Variants in SYNE1 observed in about 807,000 individuals in gnomAD.
The protein encoded by SYNE1 is nesprin-1.
Under a neutral mutation model 1,111.0 loss-of-function variants are expected in SYNE1, and 616 were observed. The ratio of observed to expected loss-of-function variants is 0.55; its 90% CI spans 0.52 to 0.59. SYNE1 has a LOEUF of 0.59. SYNE1 is among the 20% of genes least tolerant of loss of function. The probability of loss-of-function intolerance (pLI) is 0.00; values close to 1 mark genes in which losing one functional copy is unlikely to be tolerated. For synonymous variants in SYNE1, 3,855 were observed against 3,825.8 expected, an observed-to-expected ratio of 1.01 and a Z score of -0.28; for missense variants, 10,006 against 10,417.0, an observed-to-expected ratio of 0.96 and a Z score of 1.72.
chr6:152,302,193 T>C, intron 91 of SYNE1, 130 bp from the exon 92 acceptor site: 1 of 1,248,464 alleles, frequency 8.0e-7, no homozygotes, highest in Non-Finnish European at 1.1e-6. Context: ...GCAGGATGTG[T>C]AGGCGGCGAG....
In SYNE1 at chr6:152,337,010, T is replaced by G; in HGVS notation, c.12359A>C (p.Gln4120Pro). ...DIQQTEQTIE[Q>P]KLVQAQNLTQ... ...TAAGTTCTGGGCCTGGACAAGCTTT[T>G]GTTCAATCTTGAGAAAACACAGAGA... Residue 4120 changes from glutamine (Q) to proline (P), a missense_variant, in exon 76 of 146, where the codon CAA becomes CCA. Gln to Pro is a moderately conservative substitution (Grantham distance 76). This residue lies in a region of SYNE1 where 4,955 missense variants were observed against 5,017.2 expected (regional missense o/e 0.99). Coordinates refer to ENST00000367255, the MANE Select transcript of SYNE1 (RefSeq NM_182961.4). 6.2e-7 allele frequency: 1 copy of G among 1,613,366 alleles called. No individual in the cohort carries two copies. Among genetic ancestry groups the G allele is most frequent in the East Asian group, 2.2e-5 (1 of 44,880 alleles).
At chr6:152,564,337 G>T (rs1389340717) in intron 3 of SYNE1, among the ~76,000 whole-genome samples, 4 of 152,132 alleles carry the variant, frequency 2.6e-5, no homozygotes, top group Non-Finnish European at 4.4e-5. Flanking sequence ...TTTGGTTTGA[G>T]ACAGGGTCTC....
intron 130 of SYNE1, among the ~76,000 whole-genome samples, chr6:152,168,748 G>A (rs1345468554): frequency 6.6e-6 from 1 of 152,108 alleles, no homozygotes; most frequent in Non-Finnish European, 1.5e-5. Context: ...TGCGAAGGTG[G>A]GAAAGTACAT....
intron 3 of SYNE1, among the ~76,000 whole-genome samples, chr6:152,600,388 TA>T (rs2099593334): frequency 6.6e-6 from 1 of 152,178 alleles, no homozygotes; most frequent in Admixed American, 6.5e-5. Flanking sequence ...TAATTTTTTT[TA>T]AAAAGCTCAC....
chr6:152,310,406 G>C lies in SYNE1; in HGVS notation c.17009C>G (p.Ser5670Cys), dbSNP rs755790136. The C allele has an allele frequency of 1.9e-6, 3 of 1,614,052 alleles. No individual in the cohort carries two copies. The highest frequency in any genetic ancestry group is 2.7e-5 in the African/African-American group (2 of 74,932). ...VGRLSLKEQL[S>C]HRQHLLSEME... ...GTTAGTTTGGCTTACCTGCCGATGA[G>C]AGAGCTGCTCCTTGAGACTGAGACG... The change falls in exon 89 of 146, where the codon TCT becomes TGT. Residue 5670 changes from serine to cysteine, a missense_variant. By Grantham distance (112) the Ser-to-Cys change is moderately radical. This residue lies in a region of SYNE1 where 4,955 missense variants were observed against 5,017.2 expected (regional missense o/e 0.99). Transcript: ENST00000367255.
At chr6:152,614,786 T>C (rs1209198026) in intron 3 of SYNE1, among the ~76,000 whole-genome samples, 3 of 152,204 alleles carry the variant, frequency 2.0e-5, no homozygotes, top group African/African-American at 2.4e-5. Context: ...ATATACACCA[T>C]GAAATACTAT....
chr6:152,216,410 G>A (rs1172059182), intron 121 of SYNE1, among the ~76,000 whole-genome samples: 3 of 152,178 alleles, frequency 2.0e-5, no homozygotes, highest in African/African-American at 7.2e-5. Context: ...TGTCACTGGG[G>A]GGCCTGGTCC....
At chr6:152,497,696 G>C (rs775808256) in intron 11 of SYNE1, among the ~76,000 whole-genome samples, 2 of 152,198 alleles carry the variant, frequency 1.3e-5, no homozygotes, top group Non-Finnish European at 2.9e-5. Context: ...GTTGGAAAGT[G>C]TCTAGCAGAT....
chr6:152,589,695 A>C (rs1046615037), intron 3 of SYNE1, among the ~76,000 whole-genome samples: 1 of 152,314 alleles, frequency 6.6e-6, no homozygotes, highest in East Asian at 1.9e-4. Flanking sequence ...GAGAGGCAGC[A>C]AAGGCCCGGC....
chr6:152,620,808 T>C lies in SYNE1; in HGVS notation c.67+7457A>G, dbSNP rs1487138247. On this transcript the variant is annotated intron_variant, in intron 3 of 145. Coordinates refer to ENST00000367255, the MANE Select transcript of SYNE1 (RefSeq NM_182961.4). The stretch of plus-strand genomic sequence containing the variant: ...ATTATATGCACTTAACAAATACTTA[T>C]GAAGTGTCCATATTATGAAATGCAC... 3.3e-5 allele frequency among the ~76,000 whole-genome samples: 5 copies of C among 152,216 alleles called. No individual in the cohort carries two copies. In the East Asian group the frequency reaches 7.7e-4, roughly 23 times the overall value.
chr6:152,628,926 A>G (rs1357369633), intron 2 of SYNE1, among the ~76,000 whole-genome samples: 1 of 152,156 alleles, frequency 6.6e-6, no homozygotes, highest in Admixed American at 6.5e-5. Context: ...TAGTCTGCTA[A>G]TTTAGCCTGC....
chr6:152,418,364 C>A (rs1032861507), intron 40 of SYNE1, among the ~76,000 whole-genome samples: 1 of 152,152 alleles, frequency 6.6e-6, no homozygotes, highest in Non-Finnish European at 1.5e-5. Flanking sequence ...CACCTTCCCC[C>A]AAGATGTAAA....
At position 152,526,079 on chromosome 6, in the gene SYNE1, C is replaced by T; in HGVS notation, c.225+1G>A. On this transcript the variant is annotated splice_donor_variant, in intron 5 of 145. Coordinates refer to ENST00000367255, the MANE Select transcript of SYNE1 (RefSeq NM_182961.4). LOFTEE classifies it high-confidence loss of function. ...GTATGATCACACAAAAAAATTCTTA[C>T]CAGTTTCTGCCCAGACAGGACCTCC... is the stretch of plus-strand genomic sequence containing the variant. 6.2e-7 allele frequency: 1 copy of T among 1,613,768 alleles called. No homozygotes were observed. The highest frequency in any genetic ancestry group is 8.5e-7 in the Non-Finnish European group (1 of 1,179,776).
At chr6:152,312,928 T>C (rs973831207) in intron 87 of SYNE1, among the ~76,000 whole-genome samples, 1 of 152,092 alleles carries the variant, frequency 6.6e-6, no homozygotes, top group African/African-American at 2.4e-5. Context: ...AGAAATAATG[T>C]GGGGCAAATC....
chr6:152,304,077 A>G (rs1208579588), intron 91 of SYNE1, among the ~76,000 whole-genome samples: 1 of 152,272 alleles, frequency 6.6e-6, no homozygotes, highest in African/African-American at 2.4e-5. Flanking sequence ...TTTAAAAAGT[A>G]GACATCATTG....
At chr6:152,165,645 GACTT>G (rs2063499319) in intron 130 of SYNE1, among the ~76,000 whole-genome samples, 1 of 152,040 alleles carries the variant, frequency 6.6e-6, no homozygotes, top group African/African-American at 2.4e-5. Flanking sequence ...TGTTTATTGT[GACTT>G]ACAATTCCAC....
rs2097959138 is a variant in SYNE1 at position 152,409,069 on chromosome 6, T to A, written c.6539A>T (p.Asp2180Val). The A allele has an allele frequency of 1.2e-6, 2 of 1,613,906 alleles. No homozygotes were observed. The highest frequency in any genetic ancestry group is 8.5e-7 in the Non-Finnish European group (1 of 1,179,922). ...DMESTVDKWLDVSEKLEENMD... is the reference protein window; with the variant it reads ...DMESTVDKWLVVSEKLEENMD... Reference sequence around the variant, plus strand: ...CAGAATCCCAGGTGATTATCTTACATCCAGCCATTTGTCCACGGTGCTCTC... The same window carrying A: ...CAGAATCCCAGGTGATTATCTTACAACCAGCCATTTGTCCACGGTGCTCTC... Residue 2180 changes from aspartate to valine, a missense_variant and splice_region_variant, in exon 44 of 146, where the codon GAT becomes GTT. This residue lies in a region of SYNE1 where 4,955 missense variants were observed against 5,017.2 expected (regional missense o/e 0.99). Transcript: ENST00000367255.
intron 139 of SYNE1, 54 bp downstream of exon 139, chr6:152,141,149 G>C: frequency 6.2e-7 from 1 of 1,613,112 alleles, no homozygotes; most frequent in Non-Finnish European, 8.5e-7. Flanking sequence ...TGTTAACAAA[G>C]TGCTTCAGGA....
rs890021376 is a variant in SYNE1 at position 152,329,730 on chromosome 6, C to G, written c.14955G>C (p.Gln4985His). Residue 4985 changes from glutamine to histidine, a missense_variant and splice_region_variant, in exon 78 of 146, where the codon CAG becomes CAC. By Grantham distance (24) the Gln-to-His change is conservative. Coordinates refer to ENST00000367255, the MANE Select transcript of SYNE1 (RefSeq NM_182961.4). ...GDIQEALRTR[Q>H]ATLTEIYSQC... The stretch of plus-strand genomic sequence containing the variant: ...AGAAGTGAAGTCCTATTATACCCAC[C>G]TGTCTGGTGCGTAAGGCTTCCTGGA... 2.5e-6 allele frequency: 4 copies of G among 1,614,056 alleles called. No individual in the cohort carries two copies. Among genetic ancestry groups the G allele is most frequent in the Admixed American group, 3.3e-5 (2 of 60,004 alleles).
Sources: gnomAD v4.1 joint callset for allele counts (sites outside exome capture counted in the v4.1 genomes callset) on GRCh38, gnomAD v4.1.1 for gene constraint, gnomAD v4.1.1 regional missense constraint, MANE v1.5 for transcripts, NCBI Gene and HGNC (gene_info 2026-07-23, HGNC 2026-07-21) for gene names.